Variants in TNKS observed in about 807,000 individuals in gnomAD.
The protein encoded by TNKS is poly [ADP-ribose] polymerase tankyrase-1.
A neutral mutation model predicts 135.8 loss-of-function variants in TNKS; 72 were observed. The observed-to-expected ratio is 0.53, with a 90% CI of 0.44 to 0.64. TNKS has a LOEUF of 0.64. TNKS is among the 30% of genes least tolerant of loss of function. The probability of loss-of-function intolerance (pLI) is 0.00; values close to 1 mark genes in which losing one functional copy is unlikely to be tolerated. For missense variants in TNKS, 1,769 were observed against 1,674.0 expected (o/e 1.06, Z -0.99); for synonymous variants, 849 against 649.3 (o/e 1.31, Z -4.68).
intron 5 of TNKS, among the ~76,000 whole-genome samples, chr8:9,694,090 C>T (rs564107790): frequency 2.0e-5 from 3 of 152,312 alleles, no homozygotes; most frequent in South Asian, 2.1e-4. Context: ...GGACTTACAG[C>T]TTCACAGTTG....
At chr8:9,637,860 A>G (rs1229128973) in intron 3 of TNKS, among the ~76,000 whole-genome samples, 1 of 152,216 alleles carries the variant, frequency 6.6e-6, no homozygotes, top group Non-Finnish European at 1.5e-5. Flanking sequence ...AAACCACTTT[A>G]TATGTACTAC....
At chr8:9,768,840 C>T (rs1329303356) in intron 25 of TNKS, among the ~76,000 whole-genome samples, 1 of 152,164 alleles carries the variant, frequency 6.6e-6, no homozygotes. Context: ...AGCCAGCATC[C>T]CAGAGGATCA....
chr8:9,758,369 C>G (rs1806956257), intron 20 of TNKS, among the ~76,000 whole-genome samples: 1 of 149,024 alleles, frequency 6.7e-6, no homozygotes, highest in Non-Finnish European at 1.5e-5. Flanking sequence ...TCTCTTCTAT[C>G]CTTCAGGATA....
intron 10 of TNKS, 31 bp downstream of exon 10, chr8:9,710,077 T>C (rs1419003938): frequency 6.2e-7 from 1 of 1,612,180 alleles, no homozygotes; most frequent in East Asian, 2.2e-5. Context: ...AGTTGTTCAG[T>C]TCCTAAAGAG....
chr8:9,645,704 AC>A (rs1800895292), intron 3 of TNKS, among the ~76,000 whole-genome samples: 1 of 152,140 alleles, frequency 6.6e-6, no homozygotes, highest in African/African-American at 2.4e-5. Flanking sequence ...GATTATTAGG[AC>A]ATAGCCCCAT....
At chr8:9,647,540 T>TTTTA (rs1370184168) in intron 3 of TNKS, among the ~76,000 whole-genome samples, 2 of 152,210 alleles carry the variant, frequency 1.3e-5, no homozygotes, top group Non-Finnish European at 2.9e-5. Context: ...TTTAAGAGGC[T>TTTTA]AGAGAACAAC....
At chr8:9,655,174 A>G (rs1801305992) in intron 3 of TNKS, among the ~76,000 whole-genome samples, 1 of 152,194 alleles carries the variant, frequency 6.6e-6, no homozygotes, top group Non-Finnish European at 1.5e-5. Context: ...TCAAACTGCA[A>G]GGCAGCAGCG....
intron 3 of TNKS, among the ~76,000 whole-genome samples, chr8:9,673,127 A>G (rs981035910): frequency 6.6e-6 from 1 of 152,146 alleles, no homozygotes; most frequent in Admixed American, 6.5e-5. Flanking sequence ...TTGACACCAC[A>G]TCAGAAACAA....
chr8:9,565,054 T>G (rs1287279610), intron 1 of TNKS, among the ~76,000 whole-genome samples: 1 of 152,146 alleles, frequency 6.6e-6, no homozygotes, highest in Non-Finnish European at 1.5e-5. Flanking sequence ...GAGGAAAGTT[T>G]TAGGTGTTTT....
chr8:9,565,015 A>G (rs553228702), intron 1 of TNKS, among the ~76,000 whole-genome samples: 48 of 152,220 alleles, frequency 3.2e-4, no homozygotes, highest in African/African-American at 1.0e-3. Flanking sequence ...CTCATTAAAA[A>G]AAAAAAATCA....
intron 11 of TNKS, among the ~76,000 whole-genome samples, chr8:9,715,991 A>G (rs1206786168): frequency 1.3e-5 from 2 of 152,188 alleles, no homozygotes; most frequent in Admixed American, 6.5e-5. Flanking sequence ...CCAACTGCAT[A>G]TGGTATTCAA....
intron 1 of TNKS, chr8:9,556,895 T>C (rs1054933017): frequency 9.3e-6 from 5 of 538,822 alleles, no homozygotes; most frequent in Non-Finnish European, 1.3e-5. Context: ...ATTTACACTT[T>C]AGTTTTTGGT....
chr8:9,610,087 G>C (rs192455051), intron 2 of TNKS, among the ~76,000 whole-genome samples: 25 of 152,182 alleles, frequency 1.6e-4, no homozygotes, highest in African/African-American at 6.0e-4. Context: ...TTGATCTCCT[G>C]ACTTCGTGAT....
chr8:9,568,995 A>T (rs1455087048), intron 1 of TNKS, among the ~76,000 whole-genome samples: 1 of 152,230 alleles, frequency 6.6e-6, no homozygotes, highest in African/African-American at 2.4e-5. Flanking sequence ...CTGTGCAGAT[A>T]TTCCAAATGT....
intron 2 of TNKS, among the ~76,000 whole-genome samples, chr8:9,604,556 C>G (rs1314241325): frequency 1.3e-5 from 2 of 151,628 alleles, no homozygotes; most frequent in Non-Finnish European, 2.9e-5. Context: ...AGTTTATGTA[C>G]TATTAATTTC....
chr8:9,712,320 A>T (rs918143119), intron 11 of TNKS, among the ~76,000 whole-genome samples: 1 of 152,080 alleles, frequency 6.6e-6, no homozygotes, highest in African/African-American at 2.4e-5. Context: ...TCTCTACAAA[A>T]AATTTAAAAA....
At chr8:9,586,469 T>C (rs1230838498) in intron 2 of TNKS, among the ~76,000 whole-genome samples, 1 of 152,190 alleles carries the variant, frequency 6.6e-6, no homozygotes, top group East Asian at 1.9e-4. Flanking sequence ...TATAAAATTA[T>C]ATTTTATGAT....
At chr8:9,566,194 T>G (rs1224312514) in intron 1 of TNKS, 1 of 152,184 alleles carries the variant, frequency 6.6e-6, no homozygotes, top group African/African-American at 2.4e-5. Flanking sequence ...TTACACTTAG[T>G]TAATACATCT....
intron 5 of TNKS, among the ~76,000 whole-genome samples, chr8:9,689,888 G>T (rs760886927): frequency 6.6e-6 from 1 of 152,138 alleles, no homozygotes; most frequent in Non-Finnish European, 1.5e-5. Flanking sequence ...AGTGCAAGTG[G>T]TTTCTTCTTT....
Sources: allele counts gnomAD v4.1 joint callset (sites outside exome capture counted in the v4.1 genomes callset), GRCh38; gene constraint gnomAD v4.1.1; transcripts MANE v1.5; gene names NCBI Gene and HGNC (gene_info 2026-07-23, HGNC 2026-07-21).